The following DGLUCY variants were observed in gnomAD, a reference collection of about 807,000 sequenced individuals.
DGLUCY encodes the protein D-glutamate cyclase, mitochondrial.
A neutral mutation model predicts 58.5 loss-of-function variants in DGLUCY; 58 were observed. That is an observed-to-expected ratio of 0.99 (90% confidence interval 0.80 to 1.23). DGLUCY has a LOEUF of 1.23. Ranked by LOEUF, DGLUCY falls within the 50% of genes most tolerant of loss-of-function variation. DGLUCY has a pLI of 0.00. For synonymous variants in DGLUCY, 325 were observed against 314.1 expected (o/e 1.03, Z -0.37); for missense variants, 779 against 784.7 (o/e 0.99, Z 0.09).
At chr14:91,205,982 G>A (rs1423484156) in intron 12 of DGLUCY, among the ~76,000 whole-genome samples, 2 of 150,422 alleles carry the variant, frequency 1.3e-5, no homozygotes, top group Admixed American at 1.3e-4. Flanking sequence ...TGGGATTACA[G>A]GTACATGCCA....
chr14:91,191,577 C>T (rs1668228006), intron 9 of DGLUCY, among the ~76,000 whole-genome samples: 1 of 152,160 alleles, frequency 6.6e-6, no homozygotes, highest in Non-Finnish European at 1.5e-5. Flanking sequence ...GCCTCATTCT[C>T]CCTGTTCCCT....
intron 1 of DGLUCY, among the ~76,000 whole-genome samples, chr14:91,132,648 T>C (rs1199459268): frequency 1.3e-5 from 2 of 151,224 alleles, no homozygotes; most frequent in Non-Finnish European, 2.9e-5. Flanking sequence ...CCGGCTAATT[T>C]TTGTGTTTTA....
At position 91,204,938 on chromosome 14, in the gene DGLUCY, A is replaced by G. The variant is rs572949890; in HGVS notation, c.1564+113A>G. 65 of 1,403,410 alleles carry G rather than the reference A, an allele frequency of 4.6e-5. No homozygotes were observed. In the East Asian group the frequency reaches 1.5e-3, roughly 33 times the overall value. The allele number at this position is 1,403,410 out of a possible 1,614,324, so 86.9% of individuals were successfully genotyped here. A position where few individuals can be genotyped will look rare whatever the true frequency, so the allele number is the denominator to read the frequency against. ...CTCTGCAGTCAGTCCATAGGGCACC[A>G]GGGCAGGGAGGGGAGGTGGTGCTCA... On this transcript the variant is annotated intron_variant, in intron 12 of 13. Coordinates refer to ENST00000256324, the MANE Select transcript of DGLUCY (RefSeq NM_001102368.3).
chr14:91,129,066 C>T (rs1442109616), intron 1 of DGLUCY, among the ~76,000 whole-genome samples: 3 of 152,130 alleles, frequency 2.0e-5, no homozygotes, highest in Non-Finnish European at 4.4e-5. Context: ...CCTGACAATC[C>T]GCCTAGCCTC....
At chr14:91,083,247 C>T (rs1462613566) in intron 1 of DGLUCY, among the ~76,000 whole-genome samples, 4 of 152,138 alleles carry the variant, frequency 2.6e-5, no homozygotes, top group Admixed American at 6.6e-5. Flanking sequence ...GAAGGCCGGG[C>T]GCAGTGGCTC....
chr14:91,130,305 C>CA (rs1555394538), intron 1 of DGLUCY, among the ~76,000 whole-genome samples: 2 of 137,252 alleles, frequency 1.5e-5, no homozygotes, highest in Non-Finnish European at 3.2e-5. Flanking sequence ...CTTTTCTTTT[C>CA]TTTTTTTTTT....
At position 91,101,321 on chromosome 14, in the gene DGLUCY, A is replaced by G. The variant is rs550691161; in HGVS notation, c.-82+40617A>G. On this transcript the variant is annotated intron_variant, in intron 1 of 4. Coordinates refer to the DGLUCY transcript ENST00000521334. ...TTAGCCCCCTCCCCGACCCCTAGCAACCATCAATCTACTACTGGATTATCT... is the reference window on the plus strand; with the variant it reads ...TTAGCCCCCTCCCCGACCCCTAGCAGCCATCAATCTACTACTGGATTATCT... Among the ~76,000 whole-genome samples, 4 of 152,198 alleles carry G rather than the reference A, an allele frequency of 2.6e-5. No individual in the cohort carries two copies. The South Asian group carries it at 8.3e-4, about 32-fold the overall frequency.
intron 1 of DGLUCY, among the ~76,000 whole-genome samples, chr14:91,063,442 G>A (rs2043766173): frequency 6.6e-6 from 1 of 152,114 alleles, no homozygotes; most frequent in Non-Finnish European, 1.5e-5. Flanking sequence ...TTTAATGTGG[G>A]TATGCCACAG....
intron 13 of DGLUCY, chr14:91,220,632 G>C: frequency 2.2e-6 from 1 of 456,306 alleles, no homozygotes; most frequent in Admixed American, 2.3e-5. Context: ...GAGGCAGATG[G>C]AGCCGTTTCT....
chr14:91,194,875 G>C (rs144577308), intron 9 of DGLUCY, among the ~76,000 whole-genome samples: 1,639 of 152,248 alleles, frequency 0.011, 20 homozygotes, highest in Admixed American at 0.023. Context: ...AATGATTCTT[G>C]TTCCTCATGC....
chr14:91,062,558 A>AAATATATAT (rs1555386902), intron 1 of DGLUCY, among the ~76,000 whole-genome samples: 1 of 23,694 alleles, frequency 4.2e-5, no homozygotes, highest in Non-Finnish European at 7.5e-5. Context: ...AAAAAAAAAA[A>AAATATATAT]ATATATATAT....
intron 7 of DGLUCY, among the ~76,000 whole-genome samples, chr14:91,178,528 G>A (rs537837990): frequency 6.6e-6 from 1 of 152,046 alleles, no homozygotes; most frequent in Non-Finnish European, 1.5e-5. Flanking sequence ...CAACTGATGG[G>A]GGCAAAACCC....
chr14:91,086,554 G>A (rs1272831912), intron 1 of DGLUCY, among the ~76,000 whole-genome samples: 1 of 152,048 alleles, frequency 6.6e-6, no homozygotes, highest in African/African-American at 2.4e-5. Flanking sequence ...AAGAAAAAAA[G>A]CCTGTACATG....
chr14:91,102,736 AGTGTGTATGT>A (rs1436847705), intron 1 of DGLUCY, among the ~76,000 whole-genome samples: 307 of 60,808 alleles, frequency 5.0e-3, no homozygotes, highest in African/African-American at 0.014. Context: ...GACCCCTTCC[AGTGTGTATGT>A]GTGTGTGTGT....
chr14:91,125,114 G>A (rs2045595468), intron 1 of DGLUCY, among the ~76,000 whole-genome samples: 1 of 152,168 alleles, frequency 6.6e-6, no homozygotes. Flanking sequence ...ATGGAAACTG[G>A]ACACAGCAGT....
At chr14:91,166,130 C>T (rs933607594) in intron 3 of DGLUCY, among the ~76,000 whole-genome samples, 3 of 152,170 alleles carry the variant, frequency 2.0e-5, no homozygotes, top group Non-Finnish European at 4.4e-5. Flanking sequence ...AGGCAAAAGT[C>T]GTATGTGGTG....
At chr14:91,129,594 A>C (rs1263251444) in intron 1 of DGLUCY, among the ~76,000 whole-genome samples, 3 of 152,020 alleles carry the variant, frequency 2.0e-5, no homozygotes, top group Non-Finnish European at 4.4e-5. Flanking sequence ...TTAAAAAAAA[A>C]AAAAGAATGT....
At chr14:91,060,780 G>A (rs1472278354) in intron 1 of DGLUCY, 2 of 197,342 alleles carry the variant, frequency 1.0e-5, no homozygotes, top group Non-Finnish European at 2.1e-5. Flanking sequence ...TTCCCATTGG[G>A]CAGTACGCTG....
At chr14:91,159,197 A>T (rs976065132) in intron 2 of DGLUCY, among the ~76,000 whole-genome samples, 1 of 151,100 alleles carries the variant, frequency 6.6e-6, no homozygotes, top group Non-Finnish European at 1.5e-5. Context: ...CTGTAATCCC[A>T]GCACTTTGAG....
Sources: gnomAD v4.1 joint callset for allele counts (sites outside exome capture counted in the v4.1 genomes callset) on GRCh38, gnomAD v4.1.1 for gene constraint, MANE v1.5 for transcripts, NCBI Gene and HGNC (gene_info 2026-07-23, HGNC 2026-07-21) for gene names.